The following PACRG variants were observed in gnomAD, a reference collection of about 807,000 sequenced individuals.
PACRG encodes the protein parkin coregulated gene protein.
A neutral mutation model predicts 29.7 loss-of-function variants in PACRG; 29 were observed. That is an observed-to-expected ratio of 0.98 (90% CI 0.73 to 1.33). PACRG has a LOEUF of 1.33. Ranked by LOEUF, PACRG falls within the 40% of genes most tolerant of loss-of-function variation. PACRG has a pLI of 0.00. For synonymous variants in PACRG, 116 were observed against 118.7 expected (o/e 0.98, Z 0.15); for missense variants, 279 against 316.2 (o/e 0.88, Z 0.89).
At chr6:162,888,830 C>G (rs1794553277) in intron 2 of PACRG, among the ~76,000 whole-genome samples, 1 of 152,114 alleles carries the variant, frequency 6.6e-6, no homozygotes, top group Non-Finnish European at 1.5e-5. Context: ...TTAATTTTCT[C>G]CTGAAAAACC....
chr6:162,805,324 A>G (rs1786231537), intron 1 of PACRG, among the ~76,000 whole-genome samples: 1 of 152,210 alleles, frequency 6.6e-6, no homozygotes. Flanking sequence ...ATAAGGTACA[A>G]TAGCATTATG....
rs567832791 is a variant in PACRG, at chr6:163,085,868, T to G, written c.464-3391T>G. Reference sequence around the variant, plus strand: ...ATACTATTTTACAAACCCCAAGAGGTTGGTACCATACTTGCCTGATTCATT... The same window carrying G: ...ATACTATTTTACAAACCCCAAGAGGGTGGTACCATACTTGCCTGATTCATT... On this transcript the variant is annotated intron_variant, in intron 3 of 4. Coordinates refer to ENST00000366888, the MANE Select transcript of PACRG (RefSeq NM_001080379.2). Among the ~76,000 whole-genome samples, 4 of 152,318 alleles carry G rather than the reference T, an allele frequency of 2.6e-5. No homozygotes were observed. In the South Asian group the frequency reaches 8.3e-4, roughly 32 times the overall value.
At chr6:163,112,477 C>T (rs540282557) in intron 4 of PACRG, among the ~76,000 whole-genome samples, 1 of 152,324 alleles carries the variant, frequency 6.6e-6, no homozygotes, top group African/African-American at 2.4e-5. Context: ...ATCCCTCCCT[C>T]ATTTGTTGCA....
intron 2 of PACRG, among the ~76,000 whole-genome samples, chr6:162,844,162 C>T (rs1790103582): frequency 2.0e-5 from 3 of 149,812 alleles, no homozygotes; most frequent in African/African-American, 7.4e-5. Context: ...TTTACCTAAG[C>T]AAGCCTGGGC....
chr6:162,780,158 G>A (rs952438120), intron 1 of PACRG, among the ~76,000 whole-genome samples: 9 of 152,186 alleles, frequency 5.9e-5, no homozygotes, highest in Admixed American at 2.6e-4. Flanking sequence ...GTGGAACAGG[G>A]GTCAAGGCTC....
chr6:163,025,374 C>G (rs938497493), intron 2 of PACRG, among the ~76,000 whole-genome samples: 1 of 152,190 alleles, frequency 6.6e-6, no homozygotes, highest in African/African-American at 2.4e-5. Flanking sequence ...AATTGATAAA[C>G]AACTTTAGTA....
chr6:162,761,807 C>T (rs1238669909), intron 1 of PACRG, among the ~76,000 whole-genome samples: 3 of 151,762 alleles, frequency 2.0e-5, no homozygotes, highest in Non-Finnish European at 4.4e-5. Flanking sequence ...CATGGTGGTT[C>T]ACGCCTGTAA....
chr6:162,838,617 G>A (rs1055546703), intron 2 of PACRG, among the ~76,000 whole-genome samples: 33 of 151,858 alleles, frequency 2.2e-4, no homozygotes, highest in Non-Finnish European at 2.4e-4. Flanking sequence ...TATACTTTAA[G>A]TTTTAGGGTA....
intron 2 of PACRG, among the ~76,000 whole-genome samples, chr6:162,864,266 G>A (rs900770564): frequency 6.6e-6 from 1 of 152,120 alleles, no homozygotes; most frequent in Non-Finnish European, 1.5e-5. Context: ...GATGCTTAAT[G>A]TCCATAATAT....
intron 4 of PACRG, chr6:163,183,653 G>A (rs1473504445): frequency 1.3e-5 from 2 of 152,180 alleles, no homozygotes; most frequent in African/African-American, 4.8e-5. Flanking sequence ...AGATGTATGT[G>A]TGGTCACTCC....
intron 4 of PACRG, among the ~76,000 whole-genome samples, chr6:163,195,352 G>A (rs890020369): frequency 6.6e-6 from 1 of 152,178 alleles, no homozygotes; most frequent in South Asian, 2.1e-4. Context: ...CCAAAGAGAA[G>A]TTTAACCACA....
intron 2 of PACRG, among the ~76,000 whole-genome samples, chr6:162,875,294 CAT>C (rs1182923171): frequency 1.3e-5 from 2 of 151,978 alleles, no homozygotes; most frequent in Non-Finnish European, 1.5e-5. Context: ...CACACACACA[CAT>C]GCACACACAG....
chr6:163,254,209 T>C (rs1334551955), intron 4 of PACRG, among the ~76,000 whole-genome samples: 2 of 152,224 alleles, frequency 1.3e-5, no homozygotes, highest in African/African-American at 4.8e-5. Context: ...AACTGACATC[T>C]GATTTTTTAA....
At chr6:162,944,782 A>G (rs1341420274) in intron 2 of PACRG, among the ~76,000 whole-genome samples, 1 of 151,938 alleles carries the variant, frequency 6.6e-6, no homozygotes, top group Non-Finnish European at 1.5e-5. Flanking sequence ...CAGACAAAAA[A>G]AAGGAAAAAG....
intron 2 of PACRG, among the ~76,000 whole-genome samples, chr6:162,954,653 A>C (rs2128135578): frequency 6.6e-6 from 1 of 152,262 alleles, no homozygotes; most frequent in African/African-American, 2.4e-5. Context: ...TAACCGAATA[A>C]GTTTTGAGGC....
At chr6:163,149,442 G>C (rs1381224592) in intron 4 of PACRG, among the ~76,000 whole-genome samples, 1 of 152,140 alleles carries the variant, frequency 6.6e-6, no homozygotes, top group African/African-American at 2.4e-5. Flanking sequence ...CCTTCCCTGC[G>C]AACCCTGGAG....
At chr6:163,123,776 A>C (rs1816402474) in intron 4 of PACRG, among the ~76,000 whole-genome samples, 1 of 152,096 alleles carries the variant, frequency 6.6e-6, no homozygotes, top group African/African-American at 2.4e-5. Context: ...TGACTATTTC[A>C]CCTAGCATAA....
intron 4 of PACRG, among the ~76,000 whole-genome samples, chr6:163,212,294 G>A (rs1781176007): frequency 6.6e-6 from 1 of 152,130 alleles, no homozygotes; most frequent in Non-Finnish European, 1.5e-5. Context: ...GTGTATGTGT[G>A]TATAGCTATG....
chr6:162,834,470 T>C (rs1350719018), intron 2 of PACRG, among the ~76,000 whole-genome samples: 1 of 152,102 alleles, frequency 6.6e-6, no homozygotes, highest in East Asian at 1.9e-4. Context: ...ACATGCCATT[T>C]CCCAAATATG....
Sources: gnomAD v4.1 joint callset for allele counts (sites outside exome capture counted in the v4.1 genomes callset) on GRCh38, gnomAD v4.1.1 for gene constraint, MANE v1.5 for transcripts, NCBI Gene and HGNC (gene_info 2026-07-23, HGNC 2026-07-21) for gene names.